CD300LD: variants seen among roughly 807,000 people sequenced by gnomAD.
CD300LD encodes CD300 molecule like family member d, also known as CMRF35-like molecule 5.
A neutral mutation model predicts 20.3 loss-of-function variants in CD300LD; 18 were observed. That is an observed-to-expected ratio of 0.89 (90% CI 0.61 to 1.32). The LOEUF (loss-of-function observed/expected upper bound fraction) is 1.32. CD300LD is among the 40% of genes most tolerant of loss of function. The pLI is 0.00. For synonymous variants in CD300LD, 104 were observed against 90.1 expected (o/e 1.15, Z -0.87); for missense variants, 195 against 226.6 (o/e 0.86, Z 0.90).
rs1199404040 is a variant in CD300LD at position 74,588,869 on chromosome 17, G to C, written c.41-20C>G. ...AGTAACCTGGAAAACGCAAATTCAT[G>C]TGTCGTCACCTCCCACCCCAAGGGC... On this transcript the variant is annotated intron_variant, in intron 1 of 3. Transcript: ENST00000375352. 1 of 1,578,442 alleles carries C rather than the reference G, an allele frequency of 6.3e-7. No homozygotes were observed. The highest frequency in any genetic ancestry group is 8.7e-7 in the Non-Finnish European group (1 of 1,153,648).
chr17:74,581,656 A>G (rs1015434728), intron 3 of CD300LD, among the ~76,000 whole-genome samples: 9 of 152,206 alleles, frequency 5.9e-5, no homozygotes, highest in African/African-American at 2.2e-4. Context: ...TTGGGCAGAA[A>G]CTAGGAGCAG....
intron 2 of CD300LD, among the ~76,000 whole-genome samples, chr17:74,584,020 G>C (rs1353223482): frequency 2.0e-5 from 3 of 147,342 alleles, no homozygotes; most frequent in Non-Finnish European, 3.0e-5. Context: ...TTAACAAAGT[G>C]CTGGGATTAC....
intron 1 of CD300LD, among the ~76,000 whole-genome samples, chr17:74,589,374 C>T (rs2030252555): frequency 6.6e-6 from 1 of 152,222 alleles, no homozygotes; most frequent in South Asian, 2.1e-4. Context: ...CCACATCACA[C>T]AGATCTCCAT....
At chr17:74,580,148 C>G in intron 3 of CD300LD, 35 bp from the exon 4 acceptor site, 2 of 1,430,626 alleles carry the variant, frequency 1.4e-6, no homozygotes, top group Non-Finnish European at 1.9e-6. Flanking sequence ...TGAGCTGCCT[C>G]CTGGGTCAGA....
At chr17:74,587,023 C>A (rs971700100) in intron 2 of CD300LD, among the ~76,000 whole-genome samples, 19 of 152,270 alleles carry the variant, frequency 1.2e-4, no homozygotes, top group Non-Finnish European at 1.8e-4. Flanking sequence ...GTGGTGCATG[C>A]CTGTAATCCC....
chr17:74,580,519 ACAT>A (rs900969731), intron 3 of CD300LD, among the ~76,000 whole-genome samples: 2 of 152,052 alleles, frequency 1.3e-5, no homozygotes, highest in African/African-American at 4.8e-5. Context: ...ATCAGATCTG[ACAT>A]CATATTCTTG....
At chr17:74,586,975 C>T (rs1425918495) in intron 2 of CD300LD, among the ~76,000 whole-genome samples, 1 of 152,044 alleles carries the variant, frequency 6.6e-6, no homozygotes, top group Non-Finnish European at 1.5e-5. Flanking sequence ...CATGGAGAAA[C>T]CCTGTCTCTA....
chr17:74,590,534 A>G (rs541997175), intron 1 of CD300LD: 2 of 152,126 alleles, frequency 1.3e-5, no homozygotes, highest in East Asian at 3.9e-4. Context: ...CCATGGTGGG[A>G]GCGGAAGACA....
chr17:74,591,515 CAT>C (rs1283132332), intron 1 of CD300LD, among the ~76,000 whole-genome samples: 2 of 151,926 alleles, frequency 1.3e-5, no homozygotes. Context: ...ATAGAATTAA[CAT>C]AGGATTCAGC....
At chr17:74,583,668 C>T (rs1474364993) in intron 2 of CD300LD, among the ~76,000 whole-genome samples, 1 of 151,814 alleles carries the variant, frequency 6.6e-6, no homozygotes, top group Non-Finnish European at 1.5e-5. Context: ...TTCTTTCACT[C>T]AGCATAACTA....
At chr17:74,581,832 TG>T (rs576013676) in intron 3 of CD300LD, among the ~76,000 whole-genome samples, 413 of 152,286 alleles carry the variant, frequency 2.7e-3, no homozygotes, top group Non-Finnish European at 4.2e-3. Context: ...AACACTTAGA[TG>T]GGAAATCTTA....
rs746716913 is a variant in CD300LD at position 74,588,522 on chromosome 17, G to T, written c.368C>A (p.Thr123Asn). The T allele has an allele frequency of 1.2e-6, 2 of 1,608,720 alleles. No individual in the cohort carries two copies. Among genetic ancestry groups the T allele is most frequent in the Non-Finnish European group, 1.7e-6 (2 of 1,176,372 alleles). ...GIDLGVKVQV[T>N]INPGTQTAVS... is the part of the protein sequence containing the mutation. Reference sequence around the variant, plus strand: ...ACACTCCCTCTTACCTGGGTTAATGGTCACTTGAACTTTGACCCCAAGATC... The same window carrying T: ...ACACTCCCTCTTACCTGGGTTAATGTTCACTTGAACTTTGACCCCAAGATC... Residue 123 changes from threonine to asparagine, a missense_variant, in exon 2 of 4, where the codon ACC becomes AAC. Coordinates refer to ENST00000375352, the MANE Select transcript of CD300LD (RefSeq NM_001115152.2).
At chr17:74,587,254 TAA>T (rs200476808) in intron 2 of CD300LD, among the ~76,000 whole-genome samples, 1,678 of 152,350 alleles carry the variant, frequency 0.011, 34 homozygotes, top group African/African-American at 0.037. Context: ...TCTATTTCAT[TAA>T]AAGATATAGA....
chr17:74,581,518 C>A (rs2030036357), intron 3 of CD300LD, among the ~76,000 whole-genome samples: 1 of 152,228 alleles, frequency 6.6e-6, no homozygotes, highest in African/African-American at 2.4e-5. Flanking sequence ...TCAGACTAAT[C>A]CTCCAGACCC....
At chr17:74,582,116 C>G in intron 3 of CD300LD, 102 bp downstream of exon 3, 1 of 791,254 alleles carries the variant, frequency 1.3e-6, no homozygotes, top group Non-Finnish European at 2.1e-6. Flanking sequence ...TCTGAAATTG[C>G]AGTGTAACTG....
At chr17:74,591,856 C>A (rs1237613467) in intron 1 of CD300LD, 4 of 351,276 alleles carry the variant, frequency 1.1e-5, no homozygotes, top group Admixed American at 4.6e-5. Context: ...AGAATGGACT[C>A]ACTCATTAGT....
rs1248229458 is a variant in CD300LD, at chr17:74,580,114, C to G, written c.474-1G>C. 3 of 1,603,218 alleles carry G rather than the reference C, an allele frequency of 1.9e-6. No individual in the cohort carries two copies. Among genetic ancestry groups the G allele is most frequent in the South Asian group, 2.2e-5 (2 of 89,820 alleles). On this transcript the variant is annotated splice_acceptor_variant, in intron 3 of 3. Coordinates refer to ENST00000375352, the MANE Select transcript of CD300LD (RefSeq NM_001115152.2). LOFTEE classifies it high-confidence loss of function. ...GAAGTGGGTGCTCTTGAGCGGGGAC[C>G]TGTGGGAACACGGTGACAGGAAATG...
At position 74,592,139 on chromosome 17, in the gene CD300LD, C is replaced by A. The variant is rs2030335581; in HGVS notation, c.40+24G>T. On this transcript the variant is annotated intron_variant, in intron 1 of 3. Coordinates refer to ENST00000375352, the MANE Select transcript of CD300LD (RefSeq NM_001115152.2). ...CAAGCCAGCCGCTGTCATTCCAGTG[C>A]CTTAAAGCTCCAGCCACACTCACCT... 7 of 1,614,048 alleles carry A rather than the reference C, an allele frequency of 4.3e-6. No individual in the cohort carries two copies. The South Asian group carries it at 6.6e-5, about 15-fold the overall frequency.
At chr17:74,582,431 T>C (rs1186586575) in intron 2 of CD300LD, 120 bp from the exon 3 acceptor site, 14 of 659,792 alleles carry the variant, frequency 2.1e-5, no homozygotes, top group Non-Finnish European at 3.6e-5. Context: ...CAAGACTGTC[T>C]GGTCAGCATC....
Sources: allele counts gnomAD v4.1 joint callset (sites outside exome capture counted in the v4.1 genomes callset), GRCh38; gene constraint gnomAD v4.1.1; transcripts MANE v1.5; gene names NCBI Gene and HGNC (gene_info 2026-07-23, HGNC 2026-07-21).